The following RAPGEF1 variants were observed in gnomAD, a reference collection of about 807,000 sequenced individuals.
RAPGEF1 encodes the protein CRK SH3-binding GNRP.
RAPGEF1 carries 33 observed loss-of-function variants against 143.3 expected under a neutral mutation model. The observed-to-expected ratio is 0.23, with a 90% CI of 0.17 to 0.31. The LOEUF is 0.31. RAPGEF1 is among the 10% of genes least tolerant of loss of function. The pLI is 1.00. For missense variants in RAPGEF1, 1,199 were observed against 1,645.4 expected, an observed-to-expected ratio of 0.73 and a Z score of 4.69; for synonymous variants, 629 against 676.5, an observed-to-expected ratio of 0.93 and a Z score of 1.09.
At chr9:131,738,527 C>T (rs1255602421) in intron 1 of RAPGEF1, among the ~76,000 whole-genome samples, 1 of 152,192 alleles carries the variant, frequency 6.6e-6, no homozygotes, top group Non-Finnish European at 1.5e-5. Flanking sequence ...GAAAAGCACC[C>T]TGGCTTCTGG....
Position 131,584,265 on chromosome 9 carries a change from C to T in RAPGEF1, c.3414+46G>A, listed in dbSNP as rs1214902711. ...AGCTAGTCGCCTGAGGGCTGGGCGG[C>T]CCCCCTTACCAGCCACCCTCCCGCC... On this transcript the variant is annotated intron_variant, in intron 24 of 26. Coordinates refer to ENST00000683357, the MANE Select transcript of RAPGEF1 (RefSeq NM_001377935.1). This position sits in a 1 kb window ranked among gnomAD's most constrained non-coding sequence, Gnocchi z 6.8. The T allele has an allele frequency of 3.3e-6, 5 of 1,516,000 alleles. No homozygotes were observed. In the East Asian group the frequency reaches 7.1e-5, roughly 22 times the overall value. The allele number at this position is 1,516,000 out of a possible 1,614,324, so 93.9% of individuals were successfully genotyped here.
At chr9:131,590,477 C>A (rs550575431) in intron 18 of RAPGEF1, among the ~76,000 whole-genome samples, 1 of 152,186 alleles carries the variant, frequency 6.6e-6, no homozygotes, top group Non-Finnish European at 1.5e-5. Flanking sequence ...GACACCGGGC[C>A]GGGTCTCTCT....
chr9:131,622,468 A>G (rs975341357), intron 10 of RAPGEF1, among the ~76,000 whole-genome samples: 4 of 152,216 alleles, frequency 2.6e-5, no homozygotes, highest in African/African-American at 9.7e-5. Context: ...TCAACAAATC[A>G]AGGAAGGCCA....
intron 5 of RAPGEF1, among the ~76,000 whole-genome samples, chr9:131,636,449 T>C (rs1966405469): frequency 6.6e-6 from 1 of 152,236 alleles, no homozygotes; most frequent in Non-Finnish European, 1.5e-5. Flanking sequence ...CCCAGTCACT[T>C]TGAAAAATCA....
At chr9:131,680,376 TG>T (rs1832801859) in intron 1 of RAPGEF1, among the ~76,000 whole-genome samples, 1 of 152,226 alleles carries the variant, frequency 6.6e-6, no homozygotes, top group Non-Finnish European at 1.5e-5. Context: ...AGAGGAGTGT[TG>T]GGAGCAGGCC....
chr9:131,587,365 C>G (rs1046623298), intron 22 of RAPGEF1, among the ~76,000 whole-genome samples: 1 of 152,246 alleles, frequency 6.6e-6, no homozygotes, highest in Admixed American at 6.5e-5. Context: ...CGTTATAGAG[C>G]CCACTCCTTT....
chr9:131,655,239 C>T lies in RAPGEF1; in HGVS notation c.62-4290G>A, dbSNP rs903931612. Among the ~76,000 whole-genome samples, 4 of 152,344 alleles carry T rather than the reference C, an allele frequency of 2.6e-5. No homozygotes were observed. The highest frequency in any genetic ancestry group is 9.6e-5 in the African/African-American group (4 of 41,580). On this transcript the variant is annotated intron_variant, in intron 1 of 26. Transcript: ENST00000683357. This position sits in a 1 kb window ranked among gnomAD's most constrained non-coding sequence, Gnocchi z 4.1. Reference sequence around the variant, plus strand: ...ACCAAAGAGAAAAGCCAGGGCCTGACCCGCATTCACATGTGGTCAAACCAA... The same window carrying T: ...ACCAAAGAGAAAAGCCAGGGCCTGATCCGCATTCACATGTGGTCAAACCAA...
At chr9:131,607,219 C>G (rs2132556842) in intron 12 of RAPGEF1, among the ~76,000 whole-genome samples, 2 of 152,310 alleles carry the variant, frequency 1.3e-5, no homozygotes, top group Middle Eastern at 6.8e-3. Context: ...ATACATGTGA[C>G]CAGCACTGAA....
chr9:131,584,493 C>T lies in RAPGEF1; in HGVS notation c.3312+25G>A, dbSNP rs1370782590. 5.6e-6 allele frequency: 9 copies of T among 1,613,838 alleles called. No individual in the cohort carries two copies. The highest frequency in any genetic ancestry group is 7.6e-6 in the Non-Finnish European group (9 of 1,179,704). On this transcript the variant is annotated intron_variant, in intron 23 of 26. Coordinates refer to ENST00000683357, the MANE Select transcript of RAPGEF1 (RefSeq NM_001377935.1). The surrounding 1 kb of genome is among the most constrained non-coding windows in gnomAD (Gnocchi z 6.8). ...CAGAGCAGGGACTGATGATGGGGGC[C>T]TGGGAAGGACTTGGCCACCATTACC...
intron 24 of RAPGEF1, 59 bp from the exon 25 acceptor site, chr9:131,582,761 G>A (rs3765544): frequency 0.02 from 28,905 of 1,411,212 alleles, 720 homozygotes; most frequent in East Asian, 0.11. Context: ...GGGCAATGCT[G>A]GGGCAGAGCC....
intron 11 of RAPGEF1, among the ~76,000 whole-genome samples, chr9:131,620,280 TTTTTTTTTAG>T (rs938019373): frequency 2.0e-5 from 3 of 152,032 alleles, no homozygotes. Flanking sequence ...ATGGCTTTTT[TTTTTTTTTAG>T]ACAGGGTCTC....
At position 131,641,390 on chromosome 9, in the gene RAPGEF1, C is replaced by T. The variant is rs1182064952; in HGVS notation, c.494+1849G>A. ...GCCCAGTGGCCTCAGTTCCTTTGCT[C>T]TTGTTCTCCTGCCCCCACTGCCAAT... On this transcript the variant is annotated intron_variant, in intron 4 of 26. Coordinates refer to ENST00000683357, the MANE Select transcript of RAPGEF1 (RefSeq NM_001377935.1). The surrounding 1 kb of genome is among the most constrained non-coding windows in gnomAD (Gnocchi z 4.6). Among the ~76,000 whole-genome samples the T allele has an allele frequency of 6.6e-6, 1 of 152,188 alleles. No individual in the cohort carries two copies. The highest frequency in any genetic ancestry group is 1.5e-5 in the Non-Finnish European group (1 of 68,034).
At chr9:131,681,618 G>C (rs1832915538) in intron 1 of RAPGEF1, among the ~76,000 whole-genome samples, 1 of 152,126 alleles carries the variant, frequency 6.6e-6, no homozygotes, top group Non-Finnish European at 1.5e-5. Context: ...TTTAAAACTT[G>C]GTGGGCAGAT....
intron 21 of RAPGEF1, 37 bp from the exon 22 acceptor site, chr9:131,587,867 C>A: frequency 6.2e-7 from 1 of 1,604,662 alleles, no homozygotes; most frequent in Non-Finnish European, 8.5e-7. Flanking sequence ...GGTGGAGCCC[C>A]GGCTTTCCCC....
In RAPGEF1 at chr9:131,579,662, G is replaced by A. The variant is rs752060619; in HGVS notation, c.3642-15C>T. 2.5e-6 allele frequency: 4 copies of A among 1,612,662 alleles called. No homozygotes were observed. In the South Asian group the frequency reaches 3.3e-5, roughly 13 times the overall value. ...TGTCATAGTGCCTGGTGCAGGGGAT[G>A]GGGAGCAGTCAGTGAGCACCTGTGT... is the stretch of plus-strand genomic sequence containing the variant. On this transcript the variant is annotated splice_polypyrimidine_tract_variant and intron_variant, in intron 26 of 26. Coordinates refer to ENST00000683357, the MANE Select transcript of RAPGEF1 (RefSeq NM_001377935.1).
intron 16 of RAPGEF1, among the ~76,000 whole-genome samples, chr9:131,596,855 C>T (rs980488941): frequency 6.6e-6 from 1 of 152,214 alleles, no homozygotes; most frequent in Non-Finnish European, 1.5e-5. Context: ...CATCTAAATC[C>T]GTCTCCCCAG....
intron 12 of RAPGEF1, among the ~76,000 whole-genome samples, chr9:131,615,279 T>A (rs1299325049): frequency 6.6e-6 from 1 of 152,216 alleles, no homozygotes; most frequent in Non-Finnish European, 1.5e-5. Flanking sequence ...TTTCACCGTC[T>A]TAGCCGGGAT....
chr9:131,726,943 G>T (rs1466669086), intron 1 of RAPGEF1, among the ~76,000 whole-genome samples: 1 of 152,170 alleles, frequency 6.6e-6, no homozygotes, highest in East Asian at 1.9e-4. Context: ...GGTCGAGGCT[G>T]CTGTGAGCCA....
chr9:131,618,973 A>T (rs1354997518), intron 12 of RAPGEF1, 78 bp downstream of exon 12: 1 of 1,237,120 alleles, frequency 8.1e-7, no homozygotes, highest in African/African-American at 1.5e-5. Context: ...GCAGCAGAAC[A>T]CATGGCTGAG....
Sources: gnomAD v4.1 joint callset for allele counts (sites outside exome capture counted in the v4.1 genomes callset) on GRCh38, gnomAD v4.1.1 for gene constraint, Gnocchi (gnomAD v3.1) non-coding constraint, MANE v1.5 for transcripts, NCBI Gene and HGNC (gene_info 2026-07-23, HGNC 2026-07-21) for gene names.